DOCK9: variants seen among roughly 807,000 people sequenced by gnomAD.
DOCK9 encodes the protein dedicator of cytokinesis 9, also known as dedicator of cytokinesis protein 9.
Under a neutral mutation model 263.3 loss-of-function variants are expected in DOCK9, and 89 were observed. The ratio of observed to expected loss-of-function variants is 0.34; its 90% CI spans 0.28 to 0.40. The LOEUF is 0.40. Among genes scored for constraint, DOCK9 ranks in the 10% least tolerant of loss-of-function variants. The pLI is 1.00. For synonymous variants in DOCK9, 976 were observed against 973.1 expected (o/e 1.00, Z -0.06); for missense variants, 2,140 against 2,603.4 (o/e 0.82, Z 3.87).
intron 1 of DOCK9, among the ~76,000 whole-genome samples, chr13:98,968,350 G>A (rs1354688706): frequency 6.6e-6 from 1 of 152,150 alleles, no homozygotes; most frequent in East Asian, 1.9e-4. Context: ...ACCAGGCGTG[G>A]TGGCTCATGC....
At chr13:98,836,971 C>T (rs1374678201) in intron 39 of DOCK9, among the ~76,000 whole-genome samples, 1 of 151,960 alleles carries the variant, frequency 6.6e-6, no homozygotes, top group African/African-American at 2.4e-5. Context: ...AAGAGTCCAT[C>T]TCCACCTACT....
intron 45 of DOCK9, 41 bp from the exon 46 acceptor site, chr13:98,810,332 T>C (rs2091191204): frequency 1.2e-6 from 2 of 1,607,702 alleles, no homozygotes; most frequent in Non-Finnish European, 1.7e-6. Context: ...AAGAGCGTTA[T>C]GGGGAACGTG....
chr13:98,799,227 A>C (rs1030585660), intron 50 of DOCK9, among the ~76,000 whole-genome samples: 1 of 152,246 alleles, frequency 6.6e-6, no homozygotes, highest in Non-Finnish European at 1.5e-5. Context: ...AAGTTGACAA[A>C]ATATAATTTC....
At chr13:98,835,004 A>T (rs1277783737) in intron 39 of DOCK9, among the ~76,000 whole-genome samples, 16 of 152,334 alleles carry the variant, frequency 1.1e-4, no homozygotes, top group Admixed American at 8.5e-4. Flanking sequence ...CGACTTCCTC[A>T]TCTGTAAAAT....
chr13:98,979,236 A>AGTAGTAGTAGTAGTG (rs1169685646), upstream of DOCK9, among the ~76,000 whole-genome samples: 21 of 144,128 alleles, frequency 1.5e-4, no homozygotes, highest in African/African-American at 4.7e-4. Context: ...TAGTAGCAGC[A>AGTAGTAGTAGTAGTG]GCGGCGGCAG....
At chr13:98,954,354 AG>A (rs1438976527) in intron 2 of DOCK9, among the ~76,000 whole-genome samples, 1 of 152,218 alleles carries the variant, frequency 6.6e-6, no homozygotes, top group Non-Finnish European at 1.5e-5. Context: ...AAGAAGTGCC[AG>A]GATCAGGTCC....
At chr13:99,086,403 C>G in exon 1 of DOCK9, 1 of 1,016,730 alleles carries the variant, frequency 9.8e-7, no homozygotes, top group Non-Finnish European at 1.2e-6. Flanking sequence ...CCCGGCCCGG[C>G]CGCGCGGCCG....
At chr13:98,918,140 G>A (rs2051214767) in intron 7 of DOCK9, among the ~76,000 whole-genome samples, 1 of 152,236 alleles carries the variant, frequency 6.6e-6, no homozygotes, top group Non-Finnish European at 1.5e-5. Context: ...ACAAAAGGCA[G>A]TGCAGCCCTT....
chr13:99,028,228 G>A (rs1205589357), intron 1 of DOCK9, among the ~76,000 whole-genome samples: 1 of 152,192 alleles, frequency 6.6e-6, no homozygotes, highest in African/African-American at 2.4e-5. Context: ...AAGCCACTTA[G>A]CCAAGAGGCC....
At chr13:99,038,308 T>C (rs1888132785) in intron 1 of DOCK9, among the ~76,000 whole-genome samples, 1 of 133,332 alleles carries the variant, frequency 7.5e-6, no homozygotes, top group Admixed American at 7.5e-5. Context: ...TTTTTTTTTT[T>C]TTTTTTTTTT....
At chr13:98,890,655 A>G (rs1266235635) in intron 15 of DOCK9, among the ~76,000 whole-genome samples, 2 of 152,144 alleles carry the variant, frequency 1.3e-5, no homozygotes, top group South Asian at 2.1e-4. Flanking sequence ...CCATTTTTGA[A>G]AAGTTCCTAC....
At chr13:98,968,490 C>T (rs1032048469) in intron 1 of DOCK9, among the ~76,000 whole-genome samples, 1 of 152,068 alleles carries the variant, frequency 6.6e-6, no homozygotes, top group African/African-American at 2.4e-5. Context: ...TGTGGTGGTG[C>T]ACACCTGTAA....
chr13:98,922,836 C>T (rs979835427), intron 5 of DOCK9, among the ~76,000 whole-genome samples: 1 of 152,184 alleles, frequency 6.6e-6, no homozygotes, highest in African/African-American at 2.4e-5. Context: ...CATCTCAATG[C>T]CCTACTCCCT....
chr13:98,883,729 AC>A, intron 22 of DOCK9, 83 bp downstream of exon 22: 1 of 787,580 alleles, frequency 1.3e-6, no homozygotes, highest in South Asian at 1.9e-5. Context: ...GTAATATAAC[AC>A]ATTAGGATTT....
intron 1 of DOCK9, among the ~76,000 whole-genome samples, chr13:99,054,822 T>G (rs900918457): frequency 6.6e-6 from 1 of 152,168 alleles, no homozygotes; most frequent in Non-Finnish European, 1.5e-5. Flanking sequence ...TTATACCACC[T>G]TCCATCTGTG....
intron 45 of DOCK9, among the ~76,000 whole-genome samples, chr13:98,815,658 T>C (rs2091775491): frequency 6.6e-6 from 1 of 152,146 alleles, no homozygotes; most frequent in Non-Finnish European, 1.5e-5. Flanking sequence ...ATTTTTTGTA[T>C]TTTTAGTAGA....
At chr13:98,919,542 C>T (rs970207174) in intron 7 of DOCK9, among the ~76,000 whole-genome samples, 3 of 152,328 alleles carry the variant, frequency 2.0e-5, no homozygotes, top group South Asian at 2.1e-4. Flanking sequence ...CTTACAGAAT[C>T]GAGCTACAGG....
chr13:98,901,882 A>C lies in DOCK9; in HGVS notation c.1399T>G (p.Cys467Gly). Residue 467 changes from cysteine to glycine, a missense_variant, in exon 13 of 53, where the codon TGT (cysteine) becomes GGT (glycine). Cys to Gly is a radical substitution (Grantham distance 159). This residue lies in a region of DOCK9 where 1,521 missense variants were observed against 1,741.7 expected (regional missense o/e 0.87). Coordinates refer to ENST00000682017, the MANE Select transcript of DOCK9 (RefSeq NM_001366683.2). ...YPKQGIFSVT[C>G]PHPDIFLVAR... ...ACAAGAAATATATCTGGATGAGGACAAGTGACTGAAAATATTCCCTAGGAG... is the reference window on the plus strand; with the variant it reads ...ACAAGAAATATATCTGGATGAGGACCAGTGACTGAAAATATTCCCTAGGAG... 1 of 1,612,494 alleles carries C rather than the reference A, an allele frequency of 6.2e-7. No individual in the cohort carries two copies. The highest frequency in any genetic ancestry group is 8.5e-7 in the Non-Finnish European group (1 of 1,179,274).
At chr13:98,815,470 TTTTG>T (rs930330739) in intron 45 of DOCK9, among the ~76,000 whole-genome samples, 9 of 152,214 alleles carry the variant, frequency 5.9e-5, no homozygotes, top group East Asian at 3.9e-4. Context: ...TAAAATTTTT[TTTTG>T]TTTGTTTGTT....
Sources: allele counts gnomAD v4.1 joint callset (sites outside exome capture counted in the v4.1 genomes callset), GRCh38; gene constraint gnomAD v4.1.1; regional missense constraint gnomAD v4.1.1; transcripts MANE v1.5; gene names NCBI Gene and HGNC (gene_info 2026-07-23, HGNC 2026-07-21).